Variants in ITGA11 observed in about 807,000 individuals in gnomAD.
The protein encoded by ITGA11 is integrin alpha-11.
ITGA11 carries 97 observed loss-of-function variants against 141.9 expected under a neutral mutation model. The observed-to-expected ratio is 0.68, with a 90% CI of 0.58 to 0.81. ITGA11 has a LOEUF of 0.81. Ranked by LOEUF, ITGA11 falls within the 30% of genes least tolerant of loss-of-function variation. ITGA11 has a pLI of 0.00. For synonymous variants in ITGA11, 658 were observed against 624.6 expected, an observed-to-expected ratio of 1.05 and a Z score of -0.80; for missense variants, 1,387 against 1,559.2, an observed-to-expected ratio of 0.89 and a Z score of 1.86.
chr15:68,393,714 A>G (rs1896169071), intron 2 of ITGA11, among the ~76,000 whole-genome samples: 1 of 152,202 alleles, frequency 6.6e-6, no homozygotes, highest in Non-Finnish European at 1.5e-5. Context: ...ACCACAAGAA[A>G]TACTAAGTAG....
At position 68,297,388 on chromosome 15, in the gene ITGA11, A is replaced by T. The variant is rs945385433; in HGVS notation, c.*5671T>A. 2 of 148,368 alleles carry T rather than the reference A, an allele frequency of 1.3e-5. No homozygotes were observed. The highest frequency in any genetic ancestry group is 4.9e-5 in the African/African-American group (2 of 40,618). The allele number at this position is 148,368 out of a possible 1,614,324, so 9.2% of individuals were successfully genotyped here. A position where few individuals can be genotyped will look rare whatever the true frequency, so the allele number is the denominator to read the frequency against. ...TAAGAGATTATTTCGTTTAGCATTG[A>T]ATTAATAGATTTAGGGACATCTGTA... is the stretch of plus-strand genomic sequence containing the variant. On this transcript the variant is annotated 3_prime_UTR_variant, in exon 30 of 30. Transcript: ENST00000315757.
intron 7 of ITGA11, 49 bp downstream of exon 7, chr15:68,357,102 A>G (rs1895093128): frequency 6.4e-7 from 1 of 1,562,512 alleles, no homozygotes; most frequent in South Asian, 1.2e-5. Context: ...GATAACTACA[A>G]TAGCATCTGA....
chr15:68,410,611 C>G (rs959163573), intron 1 of ITGA11, among the ~76,000 whole-genome samples: 1 of 152,196 alleles, frequency 6.6e-6, no homozygotes, highest in African/African-American at 2.4e-5. Flanking sequence ...GCATTGCTGC[C>G]CCTTTTGCCC....
chr15:68,305,668 C>T lies in ITGA11; in HGVS notation c.3381+1680G>A, dbSNP rs11634026. On this transcript the variant is annotated intron_variant, in intron 28 of 29. Coordinates refer to ENST00000315757, the MANE Select transcript of ITGA11 (RefSeq NM_001004439.2). The surrounding 1 kb of genome is among the most constrained non-coding windows in gnomAD (Gnocchi z 4.6). ...CCCTCCTGCCTCATCTCACATGCCT[C>T]GGTGTGCATACCTGAGAGATGGGGG... is the stretch of plus-strand genomic sequence containing the variant. Among the ~76,000 whole-genome samples the T allele has an allele frequency of 0.26, 39,804 of 152,150 alleles. 5,891 individuals carry two copies. Among genetic ancestry groups the T allele is most frequent in the Non-Finnish European group, 0.34 (23,054 of 67,998 alleles).
intron 2 of ITGA11, among the ~76,000 whole-genome samples, chr15:68,387,958 T>C (rs1344928281): frequency 6.6e-6 from 1 of 152,158 alleles, no homozygotes; most frequent in African/African-American, 2.4e-5. Context: ...CCCTGCTGAA[T>C]GGAGCTCTCC....
Position 68,321,497 on chromosome 15 carries a change from A to G in ITGA11, c.2329T>C (p.Phe777Leu), listed in dbSNP as rs983616967. The G allele has an allele frequency of 9.4e-6, 15 of 1,595,804 alleles. No homozygotes were observed. The African/African-American group carries it at 2.1e-4, about 22-fold the overall frequency. ...WPTTLRVSVP[F>L]WNGCNEDEHC... ...TCATCCTCATTGCAGCCGTTCCAGA[A>G]GGGCACCTGGGCCAGGGAGAGCCAG... Residue 777 changes from phenylalanine to leucine, a missense_variant, in exon 19 of 30, where the codon TTC (phenylalanine) becomes CTC (leucine). Transcript: ENST00000315757. This position sits in a 1 kb window ranked among gnomAD's most constrained non-coding sequence, Gnocchi z 4.9.
intron 2 of ITGA11, among the ~76,000 whole-genome samples, chr15:68,393,986 A>G (rs1259673874): frequency 6.6e-6 from 1 of 152,204 alleles, no homozygotes; most frequent in Non-Finnish European, 1.5e-5. Flanking sequence ...GTAAAATACT[A>G]ATTGCAAATA....
chr15:68,368,860 C>CTTTTTTTT (rs34788905), intron 3 of ITGA11, among the ~76,000 whole-genome samples: 1 of 134,854 alleles, frequency 7.4e-6, no homozygotes. Context: ...ACAGGAAGTC[C>CTTTTTTTT]TTTTTTTTTT....
intron 28 of ITGA11, among the ~76,000 whole-genome samples, chr15:68,306,873 C>T (rs935423094): frequency 6.6e-6 from 1 of 152,242 alleles, no homozygotes; most frequent in East Asian, 1.9e-4. Context: ...GCTGCCCTGT[C>T]TATTTCCACA....
rs1051665827 is a variant in ITGA11, at chr15:68,315,535, T to G, written c.2792+116A>C. The stretch of plus-strand genomic sequence containing the variant: ...CTGCCTCCACTCAAGGTTGGGGCAG[T>G]GGGGGACAGGGCGTGGGGCAGCGGA... On this transcript the variant is annotated intron_variant, in intron 22 of 29. Transcript: ENST00000315757. 7 of 902,908 alleles carry G rather than the reference T, an allele frequency of 7.8e-6. No homozygotes were observed. In the African/African-American group the frequency reaches 9.9e-5, roughly 13 times the overall value. 55.9% of individuals were successfully genotyped at this position (902,908 alleles called of 1,614,324 possible). A position where few individuals can be genotyped will look rare whatever the true frequency, so the allele number is the denominator to read the frequency against.
At chr15:68,352,088 A>G (rs1894930823) in intron 7 of ITGA11, among the ~76,000 whole-genome samples, 1 of 35,482 alleles carries the variant, frequency 2.8e-5, no homozygotes, top group Non-Finnish European at 6.6e-5. Context: ...CTCAAAACAA[A>G]CAAACAAACA....
At chr15:68,355,063 G>T (rs553416453) in intron 7 of ITGA11, among the ~76,000 whole-genome samples, 1 of 152,118 alleles carries the variant, frequency 6.6e-6, no homozygotes, top group Non-Finnish European at 1.5e-5. Flanking sequence ...ACTGAGCAGG[G>T]GTTGGTGGGT....
intron 1 of ITGA11, among the ~76,000 whole-genome samples, chr15:68,410,275 T>TG (rs1896742506): frequency 6.6e-6 from 1 of 152,252 alleles, no homozygotes; most frequent in African/African-American, 2.4e-5. Context: ...CTTTGGGCTC[T>TG]GCTCCATGTT....
At chr15:68,317,933 T>C (rs1893651193) in intron 20 of ITGA11, among the ~76,000 whole-genome samples, 1 of 152,196 alleles carries the variant, frequency 6.6e-6, no homozygotes, top group Admixed American at 6.5e-5. Flanking sequence ...TGTGTGTGCA[T>C]GTACCTGCTG....
intron 10 of ITGA11, among the ~76,000 whole-genome samples, chr15:68,341,648 ACTTT>A (rs1286601547): frequency 2.0e-5 from 3 of 152,116 alleles, no homozygotes; most frequent in Admixed American, 6.5e-5. Context: ...TTGGGGTCTG[ACTTT>A]CTTCCTTGCT....
chr15:68,334,996 A>C (rs1894299982), intron 12 of ITGA11, among the ~76,000 whole-genome samples: 1 of 152,036 alleles, frequency 6.6e-6, no homozygotes, highest in African/African-American at 2.4e-5. Context: ...TGAGGAGCGG[A>C]TTCTCACAGT....
chr15:68,349,033 T>C, intron 9 of ITGA11, 133 bp from the exon 10 acceptor site: 1 of 753,706 alleles, frequency 1.3e-6, no homozygotes, highest in Non-Finnish European at 2.2e-6. Context: ...GAGGGGGGGC[T>C]CTGAAGCTGA....
intron 2 of ITGA11, among the ~76,000 whole-genome samples, chr15:68,371,451 G>T (rs1895587011): frequency 6.6e-6 from 1 of 152,194 alleles, no homozygotes. Flanking sequence ...AGTGGCTCAT[G>T]CCTGTAATCC....
At chr15:68,392,559 CT>C (rs1282426379) in intron 2 of ITGA11, among the ~76,000 whole-genome samples, 1 of 152,192 alleles carries the variant, frequency 6.6e-6, no homozygotes, top group Non-Finnish European at 1.5e-5. Context: ...CTCAAAAGCT[CT>C]GTTGAAAGTT....
Sources: allele counts gnomAD v4.1 joint callset (sites outside exome capture counted in the v4.1 genomes callset), GRCh38; gene constraint gnomAD v4.1.1; non-coding constraint Gnocchi (gnomAD v3.1); transcripts MANE v1.5; gene names NCBI Gene and HGNC (gene_info 2026-07-23, HGNC 2026-07-21).